The following WDR81 variants were observed in gnomAD, a reference collection of about 807,000 sequenced individuals.
WDR81 encodes WD repeat domain 81.
In WDR81, 92 loss-of-function variants were observed where a neutral mutation model predicts 140.8. The observed-to-expected ratio is 0.65, with a 90% CI of 0.55 to 0.78. The LOEUF (loss-of-function observed/expected upper bound fraction) is 0.78. WDR81 is among the 30% of genes least tolerant of loss of function. The pLI, the probability that WDR81 is intolerant of heterozygous loss-of-function variation, is 0.00. For missense variants in WDR81, 2,502 were observed against 2,636.4 expected, an observed-to-expected ratio of 0.95 and a Z score of 1.12; for synonymous variants, 1,183 against 1,156.4, an observed-to-expected ratio of 1.02 and a Z score of -0.47.
chr17:1,731,707 A>G (rs28515851), intron 4 of WDR81, among the ~76,000 whole-genome samples: 105,002 of 151,404 alleles, frequency 0.69, 36,631 homozygotes, highest in East Asian at 0.85. Context: ...TTTGAGACCC[A>G]CCTGGCCAAC....
At chr17:1,720,943 A>G (rs1914831138), upstream of WDR81, among the ~76,000 whole-genome samples, 1 of 152,106 alleles carries the variant, frequency 6.6e-6, no homozygotes, top group Non-Finnish European at 1.5e-5. Context: ...GGTACACTCA[A>G]GGTCACTGCT....
rs369912090 is a variant in WDR81 at position 1,725,751 on chromosome 17, C to T, written c.792C>T (p.Leu264=). ...TNSQAKVLFI[L]FRVLRAMDAC... is the part of the protein sequence containing the mutation. The stretch of plus-strand genomic sequence containing the variant: ...GCCAGGCCAAGGTGCTGTTCATTCT[C>T]TTCCGCGTGCTGAGGGCTATGGACG... The change falls in exon 1 of 10, where the codon CTC becomes CTT. Residue 264 remains leucine (L), a synonymous_variant. Coordinates refer to ENST00000409644, the MANE Select transcript of WDR81 (RefSeq NM_001163809.2). 1 of 1,550,646 alleles carries T rather than the reference C, an allele frequency of 6.4e-7. No individual in the cohort carries two copies. The highest frequency in any genetic ancestry group is 1.7e-4 in the Middle Eastern group (1 of 5,992).
In WDR81 at chr17:1,724,966, C is replaced by CT. The variant is rs1915121404; in HGVS notation, c.7_8insT (p.Gln3LeufsTer124). The CT allele has an allele frequency of 6.9e-7, 1 of 1,449,584 alleles. No individual in the cohort carries two copies. The highest frequency in any genetic ancestry group is 1.4e-5 in the African/African-American group (1 of 69,380). The allele number at this position is 1,449,584 out of a possible 1,614,324, so 89.8% of individuals were successfully genotyped here. A position where few individuals can be genotyped will look rare whatever the true frequency, so the allele number is the denominator to read the frequency against. On this transcript the variant is annotated frameshift_variant, in exon 1 of 10. Transcript: ENST00000409644. LOFTEE classifies it high-confidence loss of function. ...CCCGGGCGGCCTGGAGGAGATGGCC[C>CT]AGGGCAGCGGGGGGCGGGAAGGCGC...
intron 1 of WDR81, among the ~76,000 whole-genome samples, chr17:1,729,202 G>A (rs1490656950): frequency 6.6e-6 from 1 of 151,728 alleles, no homozygotes; most frequent in Non-Finnish European, 1.5e-5. Context: ...CTTTTCGGCC[G>A]GGCGCCGTGG....
Position 1,726,754 on chromosome 17 carries a change from G to A in WDR81, c.1795G>A (p.Ala599Thr). The A allele has an allele frequency of 6.5e-7, 1 of 1,547,540 alleles. No homozygotes were observed. Among genetic ancestry groups the A allele is most frequent in the Non-Finnish European group, 8.7e-7 (1 of 1,146,422 alleles). The change falls in exon 1 of 10, where the codon GCC becomes ACC. Residue 599 changes from alanine to threonine, a missense_variant. Ala to Thr is a moderately conservative substitution (Grantham distance 58). Transcript: ENST00000409644. ...PQRLAGAPAL[A>T]PEPPLIPKLL... Reference sequence around the variant, plus strand: ...GCGCCTGGCTGGGGCTCCTGCCCTTGCCCCCGAGCCTCCCCTCATCCCCAA... The same window carrying A: ...GCGCCTGGCTGGGGCTCCTGCCCTTACCCCCGAGCCTCCCCTCATCCCCAA...
intron 1 of WDR81, among the ~76,000 whole-genome samples, chr17:1,718,049 C>T (rs1362560908): frequency 6.6e-6 from 1 of 152,160 alleles, no homozygotes; most frequent in Non-Finnish European, 1.5e-5. Context: ...TGCCCTATTC[C>T]TCCATGGACA....
At position 1,734,731 on chromosome 17, in the gene WDR81, A is replaced by G. The variant is rs566678624; in HGVS notation, c.5179+515A>G. Among the ~76,000 whole-genome samples the G allele has an allele frequency of 6.6e-5, 10 of 151,852 alleles. No individual in the cohort carries two copies. The East Asian group carries it at 1.9e-3, about 29-fold the overall frequency. ...GTGGCAGAGGTTGCCGTGAGCCGAGATCGCACCACTGCACTCCAGCCCGGG... is the reference window on the plus strand; with the variant it reads ...GTGGCAGAGGTTGCCGTGAGCCGAGGTCGCACCACTGCACTCCAGCCCGGG... On this transcript the variant is annotated intron_variant, in intron 7 of 9. Coordinates refer to ENST00000409644, the MANE Select transcript of WDR81 (RefSeq NM_001163809.2).
intron 6 of WDR81, 137 bp from the exon 7 acceptor site, chr17:1,733,390 G>A: frequency 2.4e-6 from 2 of 821,270 alleles, no homozygotes; most frequent in Non-Finnish European, 3.8e-6. Context: ...GGAAACTGAG[G>A]CTCAGAGACA....
In WDR81 at chr17:1,726,253, G is replaced by A. The variant is rs1431541745; in HGVS notation, c.1294G>A (p.Gly432Arg). The A allele has an allele frequency of 2.1e-5, 32 of 1,533,648 alleles. No homozygotes were observed. Among genetic ancestry groups the A allele is most frequent in the Non-Finnish European group, 2.7e-5 (31 of 1,137,380 alleles). ...QAFVAGGAGGGEPPHVPHHIS... is the reference protein window; with the variant it reads ...QAFVAGGAGGREPPHVPHHIS... Reference sequence around the variant, plus strand: ...ATTCGTAGCAGGCGGGGCGGGCGGCGGGGAACCCCCTCATGTTCCCCACCA... The same window carrying A: ...ATTCGTAGCAGGCGGGGCGGGCGGCAGGGAACCCCCTCATGTTCCCCACCA... The change falls in exon 1 of 10, where the codon GGG becomes AGG. Residue 432 changes from glycine (G) to arginine (R), a missense_variant. By Grantham distance (125) the Gly-to-Arg change is moderately radical (BLOSUM62 -2). Around this residue, in one of 3 missense-constraint regions of WDR81, gnomAD observed 218 missense variants for 279.6 expected, o/e 0.78. Transcript: ENST00000409644.
rs1237389394 is a variant in WDR81 at position 1,727,131 on chromosome 17, C to T, written c.2172C>T (p.Gly724=). The T allele has an allele frequency of 6.5e-7, 1 of 1,547,604 alleles. No homozygotes were observed. The highest frequency in any genetic ancestry group is 1.2e-5 in the South Asian group (1 of 83,912). Reference sequence around the variant, plus strand: ...AGGGGAGGATTCTTCTTCCCGAGGGCTTCAATCCCATGCAGGCCCTGGAGG... The same window carrying T: ...AGGGGAGGATTCTTCTTCCCGAGGGTTTCAATCCCATGCAGGCCCTGGAGG... ...GEEGRILLPE[G]FNPMQALEEL... Residue 724 remains glycine (G), a synonymous_variant, in exon 1 of 10, where the codon GGC becomes GGT. Transcript: ENST00000409644.
chr17:1,737,479 A>T lies in WDR81; in HGVS notation c.5620A>T (p.Thr1874Ser), dbSNP rs752691794. ...HYKSASDPIH[T>S]FDLYGSEVVT... ...CAAGTCAGCATCCGACCCCATCCAC[A>T]CCTTTGACCTGTACGGCAGCGAGGT... Residue 1874 changes from threonine (T) to serine (S), a missense_variant, in exon 10 of 10, where the codon ACC becomes TCC. Physicochemically the swap from Thr to Ser is moderately conservative, Grantham distance 58. This residue lies in a region of WDR81 where 1,737 missense variants were observed against 1,843.0 expected (regional missense o/e 0.94). Coordinates refer to ENST00000409644, the MANE Select transcript of WDR81 (RefSeq NM_001163809.2). The T allele has an allele frequency of 6.2e-6, 10 of 1,613,132 alleles. No individual in the cohort carries two copies. The South Asian group carries it at 1.1e-4, about 18-fold the overall frequency.
chr17:1,729,900 GGA>G (rs1331600516), intron 1 of WDR81, among the ~76,000 whole-genome samples: 5 of 151,908 alleles, frequency 3.3e-5, no homozygotes, highest in African/African-American at 1.2e-4. Context: ...GGTTCAAGGA[GGA>G]GAGTCAGGGC....
rs1915104628 is a variant in WDR81 at position 1,724,772 on chromosome 17, A to T, written c.-188A>T. 1 of 1,157,336 alleles carries T rather than the reference A, an allele frequency of 8.6e-7. No homozygotes were observed. Among genetic ancestry groups the T allele is most frequent in the South Asian group, 4.3e-5 (1 of 23,290 alleles). The allele number at this position is 1,157,336 out of a possible 1,614,324, so 71.7% of individuals were successfully genotyped here. On this transcript the variant is annotated 5_prime_UTR_variant, in exon 1 of 10. Coordinates refer to ENST00000409644, the MANE Select transcript of WDR81 (RefSeq NM_001163809.2). ...CTCTGCCCCGCCGCGCCCGGAGCGC[A>T]GGACCCGCGGAGGGGTAAGCGCGCC...
At position 1,728,032 on chromosome 17, in the gene WDR81, C is replaced by T; in HGVS notation, c.3073C>T (p.Leu1025=). 6.4e-7 allele frequency: 1 copy of T among 1,554,514 alleles called. No homozygotes were observed. Among genetic ancestry groups the T allele is most frequent in the South Asian group, 1.2e-5 (1 of 84,600 alleles). The change falls in exon 1 of 10, where the codon CTG becomes TTG. Residue 1025 remains leucine (L), a synonymous_variant. Transcript: ENST00000409644. ...AEASQEESKD[L]AGAAEEEESG... ...GGCCTCCCAGGAGGAGAGCAAGGACCTGGCAGGGGCTGCTGAGGAGGAGGA... is the reference window on the plus strand; with the variant it reads ...GGCCTCCCAGGAGGAGAGCAAGGACTTGGCAGGGGCTGCTGAGGAGGAGGA...
At chr17:1,721,320 T>C (rs992356692), upstream of WDR81, among the ~76,000 whole-genome samples, 16 of 151,418 alleles carry the variant, frequency 1.1e-4, no homozygotes, top group African/African-American at 3.6e-4. Context: ...GATGGTGCCA[T>C]TGCACTCCAG....
intron 1 of WDR81, among the ~76,000 whole-genome samples, chr17:1,717,975 G>A (rs1280549266): frequency 1.3e-5 from 2 of 152,148 alleles, no homozygotes; most frequent in African/African-American, 4.8e-5. Context: ...ATGGCTATGG[G>A]AAGCAAACTT....
chr17:1,723,457 TTTTA>T (rs60273826), upstream of WDR81, among the ~76,000 whole-genome samples: 20,264 of 130,164 alleles, frequency 0.16, 1,457 homozygotes, highest in Non-Finnish European at 0.18. Flanking sequence ...ATTTATTTAT[TTTTA>T]TTTATTTATT....
At chr17:1,719,144 T>C (rs1914734519) in intron 1 of WDR81, among the ~76,000 whole-genome samples, 1 of 152,212 alleles carries the variant, frequency 6.6e-6, no homozygotes, top group Admixed American at 6.5e-5. Context: ...AAATTCCAGC[T>C]CTTACTAGCT....
chr17:1,727,549 C>G lies in WDR81; in HGVS notation c.2590C>G (p.Leu864Val). 1 of 1,550,494 alleles carries G rather than the reference C, an allele frequency of 6.4e-7. No homozygotes were observed. The highest frequency in any genetic ancestry group is 8.7e-7 in the Non-Finnish European group (1 of 1,147,024). ...GCCCCCACCCTGCCCAAGCCAGCTTCTCAGCCCCTTCAGCTCCGTGGTTCC... is the reference window on the plus strand; with the variant it reads ...GCCCCCACCCTGCCCAAGCCAGCTTGTCAGCCCCTTCAGCTCCGTGGTTCC... ...GLPPPCPSQLLSPFSSVVPFP... is the reference protein window; with the variant it reads ...GLPPPCPSQLVSPFSSVVPFP... The change falls in exon 1 of 10, where the codon CTC (leucine) becomes GTC (valine). Residue 864 changes from leucine (L) to valine (V), a missense_variant. Around this residue, in one of 3 missense-constraint regions of WDR81, gnomAD observed 1,737 missense variants for 1,843.0 expected, o/e 0.94. Transcript: ENST00000409644.
Sources: gnomAD v4.1 joint callset for allele counts (sites outside exome capture counted in the v4.1 genomes callset) on GRCh38, gnomAD v4.1.1 for gene constraint, gnomAD v4.1.1 regional missense constraint, MANE v1.5 for transcripts, NCBI Gene and HGNC (gene_info 2026-07-23, HGNC 2026-07-21) for gene names.